RNF38: variants seen among roughly 807,000 people sequenced by gnomAD.
RNF38 encodes the protein ring finger protein 38, also known as E3 ubiquitin-protein ligase RNF38.
A neutral mutation model predicts 67.2 loss-of-function variants in RNF38; 15 were observed. That is an observed-to-expected ratio of 0.22 (90% CI 0.15 to 0.34). RNF38 has a LOEUF of 0.34. RNF38 is among the 10% of genes least tolerant of loss of function. RNF38 has a pLI of 1.00. For synonymous variants in RNF38, 220 were observed against 218.8 expected, an observed-to-expected ratio of 1.01 and a Z score of -0.05; for missense variants, 524 against 639.9, an observed-to-expected ratio of 0.82 and a Z score of 1.95.
intron 1 of RNF38, among the ~76,000 whole-genome samples, chr9:36,472,473 T>G (rs1358024394): frequency 6.6e-6 from 1 of 152,220 alleles, no homozygotes; most frequent in Admixed American, 6.5e-5. Flanking sequence ...GACAATTCTT[T>G]CAACATGGCC....
At chr9:36,462,885 G>C (rs1839766839) in intron 1 of RNF38, among the ~76,000 whole-genome samples, 1 of 151,962 alleles carries the variant, frequency 6.6e-6, no homozygotes, top group Admixed American at 6.6e-5. Context: ...ATGTTGGCCA[G>C]GCTGGTCTCC....
intron 1 of RNF38, among the ~76,000 whole-genome samples, chr9:36,446,948 G>A (rs577299398): frequency 4.0e-5 from 6 of 149,112 alleles, no homozygotes; most frequent in South Asian, 4.3e-4. Flanking sequence ...TGGTGAAACC[G>A]TCTCTACCAA....
intron 1 of RNF38, among the ~76,000 whole-genome samples, chr9:36,437,990 C>T (rs1312563716): frequency 1.3e-5 from 2 of 152,162 alleles, no homozygotes; most frequent in African/African-American, 4.8e-5. Flanking sequence ...TGTAGCCCCA[C>T]GATGCAGTGC....
At chr9:36,417,975 T>G (rs1299943094) in intron 2 of RNF38, among the ~76,000 whole-genome samples, 1 of 152,106 alleles carries the variant, frequency 6.6e-6, no homozygotes. Flanking sequence ...CTGTTAATAC[T>G]GAAATTCCAA....
rs530268490 is a variant in RNF38 at position 36,339,000 on chromosome 9, G to A, written c.*752C>T. ...TTTTTTTCTTAAGTGACCCACTTAG[G>A]ACCACCAATAAAGAGAAGGTGACAG... is the stretch of plus-strand genomic sequence containing the variant. On this transcript the variant is annotated 3_prime_UTR_variant, in exon 12 of 12. Coordinates refer to ENST00000259605, the MANE Select transcript of RNF38 (RefSeq NM_022781.5). 6.6e-6 allele frequency: 1 copy of A among 152,606 alleles called. No homozygotes were observed. Among genetic ancestry groups the A allele is most frequent in the Admixed American group, 6.5e-5 (1 of 15,290 alleles). 9.5% of individuals were successfully genotyped at this position (152,606 alleles called of 1,614,324 possible).
At chr9:36,448,044 G>C (rs1240435004) in intron 1 of RNF38, among the ~76,000 whole-genome samples, 1 of 152,142 alleles carries the variant, frequency 6.6e-6, no homozygotes, top group Non-Finnish European at 1.5e-5. Context: ...AGCCTTTAAA[G>C]CTCATCACAT....
chr9:36,421,806 T>C (rs1489763012), intron 2 of RNF38, among the ~76,000 whole-genome samples: 4 of 152,254 alleles, frequency 2.6e-5, no homozygotes, highest in Admixed American at 2.6e-4. Flanking sequence ...AGGTTCATTT[T>C]AGTTTTTGCA....
chr9:36,409,349 AAAAG>A (rs1564051503), intron 2 of RNF38, among the ~76,000 whole-genome samples: 1 of 151,962 alleles, frequency 6.6e-6, no homozygotes. Context: ...AAGAAAGAAA[AAAAG>A]AAAGAAGGCA....
chr9:36,466,029 G>A (rs1404425935), intron 1 of RNF38, among the ~76,000 whole-genome samples: 2 of 152,150 alleles, frequency 1.3e-5, no homozygotes, highest in African/African-American at 4.8e-5. Context: ...TTGAGCCTGG[G>A]CAACAGTGCG....
intron 1 of RNF38, among the ~76,000 whole-genome samples, chr9:36,393,475 CATT>C (rs72360767): frequency 0.35 from 38,502 of 110,752 alleles, 5,538 homozygotes; most frequent in Non-Finnish European, 0.41. Context: ...CACACACACA[CATT>C]GTGTGTGTGT....
chr9:36,371,584 T>C (rs1288635494), intron 3 of RNF38, among the ~76,000 whole-genome samples: 1 of 151,370 alleles, frequency 6.6e-6, no homozygotes. Flanking sequence ...GTAGCTGGGA[T>C]TACAGATGTC....
intron 3 of RNF38, among the ~76,000 whole-genome samples, chr9:36,371,420 G>A (rs997107693): frequency 2.7e-5 from 4 of 148,276 alleles, no homozygotes; most frequent in African/African-American, 7.5e-5. Flanking sequence ...AATTCAAGAC[G>A]CCCTCCACCT....
At chr9:36,480,893 A>C (rs1428002508) in intron 1 of RNF38, among the ~76,000 whole-genome samples, 1 of 151,440 alleles carries the variant, frequency 6.6e-6, no homozygotes, top group Non-Finnish European at 1.5e-5. Flanking sequence ...ACTTCCCTAC[A>C]TTTCTCAACA....
intron 1 of RNF38, among the ~76,000 whole-genome samples, chr9:36,459,479 A>G (rs1839673569): frequency 6.6e-6 from 1 of 152,206 alleles, no homozygotes; most frequent in Non-Finnish European, 1.5e-5. Flanking sequence ...ATTTTGGTAC[A>G]CTGAGTATTT....
intron 9 of RNF38, among the ~76,000 whole-genome samples, chr9:36,346,034 A>C (rs1043821624): frequency 2.0e-5 from 3 of 152,212 alleles, no homozygotes; most frequent in African/African-American, 7.2e-5. Flanking sequence ...AAAATGGCAA[A>C]ACAGTAATAT....
intron 1 of RNF38, among the ~76,000 whole-genome samples, chr9:36,464,142 C>T (rs899424286): frequency 2.5e-4 from 37 of 150,528 alleles, no homozygotes; most frequent in Admixed American, 9.3e-4. Context: ...CCAGCCTGGG[C>T]GACAGAGCAA....
chr9:36,414,636 G>T (rs1044137200), intron 2 of RNF38, among the ~76,000 whole-genome samples: 2 of 150,798 alleles, frequency 1.3e-5, no homozygotes, highest in African/African-American at 4.9e-5. Context: ...TGGTGAGCCG[G>T]GATCGCACCA....
chr9:36,394,971 G>T (rs10814382), intron 1 of RNF38, among the ~76,000 whole-genome samples: 1 of 151,938 alleles, frequency 6.6e-6, no homozygotes, highest in Non-Finnish European at 1.5e-5. Flanking sequence ...GTCCTGCCAA[G>T]GAAACATCCT....
At chr9:36,366,949 T>G (rs1835014916) in intron 4 of RNF38, among the ~76,000 whole-genome samples, 2 of 152,208 alleles carry the variant, frequency 1.3e-5, no homozygotes, top group Non-Finnish European at 2.9e-5. Flanking sequence ...CCCATTACTT[T>G]AAATGAATTT....
Sources: gnomAD v4.1 joint callset for allele counts (sites outside exome capture counted in the v4.1 genomes callset) on GRCh38, gnomAD v4.1.1 for gene constraint, MANE v1.5 for transcripts, NCBI Gene and HGNC (gene_info 2026-07-23, HGNC 2026-07-21) for gene names.